Variants in RASEF observed in about 807,000 individuals in gnomAD.
RASEF encodes the protein ras and EF-hand domain-containing protein.
RASEF carries 68 observed loss-of-function variants against 90.1 expected under a neutral mutation model. The ratio of observed to expected loss-of-function variants is 0.75; its 90% CI spans 0.62 to 0.92. The LOEUF is 0.92. Ranked by LOEUF, RASEF falls within the 40% of genes least tolerant of loss-of-function variation. RASEF has a pLI of 0.00. For synonymous variants in RASEF, 331 were observed against 345.2 expected, an observed-to-expected ratio of 0.96 and a Z score of 0.46; for missense variants, 949 against 937.2, an observed-to-expected ratio of 1.01 and a Z score of -0.16.
chr9:83,099,652 CT>C, the RASEF span, among the ~76,000 whole-genome samples: 1 of 152,212 alleles, frequency 6.6e-6, no homozygotes, highest in African/African-American at 2.4e-5. Flanking sequence ...ATGAGATGGT[CT>C]TGATGACCTG....
chr9:82,989,055 A>G (rs1828764851), intron 16 of RASEF, among the ~76,000 whole-genome samples: 1 of 152,174 alleles, frequency 6.6e-6, no homozygotes, highest in African/African-American at 2.4e-5. Flanking sequence ...CAACCCTGCC[A>G]CAAACTAATG....
the RASEF span, among the ~76,000 whole-genome samples, chr9:83,072,412 A>T: frequency 6.6e-6 from 1 of 152,212 alleles, no homozygotes; most frequent in Non-Finnish European, 1.5e-5. Context: ...GAGGGACAGA[A>T]CTAATAGGAC....
chr9:83,066,793 A>C (rs1341944290), upstream of RASEF, among the ~76,000 whole-genome samples: 1 of 152,232 alleles, frequency 6.6e-6, no homozygotes, highest in Non-Finnish European at 1.5e-5. Context: ...ATCCTATTAT[A>C]TTCCTTTGAG....
the RASEF span, among the ~76,000 whole-genome samples, chr9:83,088,361 TATAGATAGATGG>T: frequency 1.1e-4 from 12 of 110,226 alleles, no homozygotes; most frequent in African/African-American, 3.2e-4. Context: ...TACACAGAGA[TATAGATAGATGG>T]ATAGATAGAT....
chr9:83,164,893 G>C, the RASEF span, among the ~76,000 whole-genome samples: 2 of 151,922 alleles, frequency 1.3e-5, no homozygotes, highest in Non-Finnish European at 2.9e-5. Context: ...AGCAATAAAA[G>C]TTATCATGAA....
the RASEF span, among the ~76,000 whole-genome samples, chr9:83,139,708 G>C: frequency 6.6e-6 from 1 of 152,050 alleles, no homozygotes; most frequent in Non-Finnish European, 1.5e-5. Context: ...GTTCAAATCT[G>C]TGTTGTCCAA....
chr9:83,144,362 A>AGGAAGGAAGGAAGGAAGGAAGGAAGGAAG, the RASEF span, among the ~76,000 whole-genome samples: 2 of 90,128 alleles, frequency 2.2e-5, 1 homozygote, highest in African/African-American at 9.5e-5. Flanking sequence ...AAAGAAAGAA[A>AGGAAGGAAGGAAGGAAGGAAGGAAGGAAG]GAAAGAAAGA....
intron 1 of RASEF, chr9:83,049,228 T>A (rs1172644820): frequency 8.1e-6 from 6 of 743,738 alleles, no homozygotes; most frequent in Non-Finnish European, 9.8e-6. Flanking sequence ...GATATAAACT[T>A]CCTTGTACCA....
chr9:83,061,384 T>C (rs1003495103), intron 1 of RASEF, among the ~76,000 whole-genome samples: 7 of 152,202 alleles, frequency 4.6e-5, no homozygotes, highest in African/African-American at 1.7e-4. Flanking sequence ...CTTTTCAATG[T>C]TCTGTCTCAG....
chr9:83,142,306 T>G, the RASEF span, among the ~76,000 whole-genome samples: 1 of 152,212 alleles, frequency 6.6e-6, no homozygotes, highest in Non-Finnish European at 1.5e-5. Flanking sequence ...CAAGTTGAGC[T>G]TTCAGAATTA....
At chr9:83,078,146 G>A in the RASEF span, among the ~76,000 whole-genome samples, 2 of 152,124 alleles carry the variant, frequency 1.3e-5, no homozygotes, top group Non-Finnish European at 2.9e-5. Flanking sequence ...GTGGCTCACC[G>A]TGTGTGTTTA....
At chr9:83,086,951 T>C in the RASEF span, among the ~76,000 whole-genome samples, 824 of 152,300 alleles carry the variant, frequency 5.4e-3, 4 homozygotes, top group Non-Finnish European at 7.3e-3. Context: ...TGGAAGGAAC[T>C]ACATAAAGGT....
chr9:83,009,754 T>C lies in RASEF; in HGVS notation c.846A>G (p.Glu282=). The part of the protein sequence containing the change: ...LKKQIYDLSM[E]NQKVKKDLLE... ...AAAGGTCTTTCTTAACTTTCTGGTTTTCCTGGATAAAATGAAAAGTGGGGG... is the reference window on the plus strand; with the variant it reads ...AAAGGTCTTTCTTAACTTTCTGGTTCTCCTGGATAAAATGAAAAGTGGGGG... The change falls in exon 6 of 17, where the codon GAA becomes GAG. Residue 282 remains glutamate (E), a splice_region_variant and synonymous_variant. Coordinates refer to ENST00000376447, the MANE Select transcript of RASEF (RefSeq NM_152573.4). The C allele has an allele frequency of 6.2e-7, 1 of 1,602,080 alleles. No individual in the cohort carries two copies. The highest frequency in any genetic ancestry group is 8.6e-7 in the Non-Finnish European group (1 of 1,169,296).
the RASEF span, among the ~76,000 whole-genome samples, chr9:83,137,795 G>GA: frequency 0.53 from 77,927 of 146,864 alleles, 20,921 homozygotes; most frequent in Middle Eastern, 0.63. Context: ...TGAAGTGATT[G>GA]AAAAAAAAAA....
chr9:83,144,314 AGAAAGAAAGAAG>A, the RASEF span, among the ~76,000 whole-genome samples: 2 of 117,118 alleles, frequency 1.7e-5, no homozygotes, highest in African/African-American at 7.0e-5. Flanking sequence ...TGACACTAAA[AGAAAGAAAGAAG>A]GAAAGAAAGA....
At chr9:83,182,692 A>T in the RASEF span, among the ~76,000 whole-genome samples, 1 of 152,320 alleles carries the variant, frequency 6.6e-6, no homozygotes, top group Non-Finnish European at 1.5e-5. Flanking sequence ...CAAAATGGTC[A>T]AACAGACTAG....
the RASEF span, among the ~76,000 whole-genome samples, chr9:83,184,543 T>C: frequency 6.6e-6 from 1 of 152,104 alleles, no homozygotes. Flanking sequence ...CCCATGCTAG[T>C]CCTCTAATGA....
At chr9:83,006,471 T>C (rs1335437814) in intron 7 of RASEF, among the ~76,000 whole-genome samples, 2 of 151,300 alleles carry the variant, frequency 1.3e-5, no homozygotes, top group Non-Finnish European at 2.9e-5. Flanking sequence ...ACTCTACAAC[T>C]GCCACAGGTG....
chr9:82,981,413 T>C lies in RASEF; in HGVS notation c.*1264A>G, dbSNP rs1187141908. 4 of 152,202 alleles carry C rather than the reference T, an allele frequency of 2.6e-5. No individual in the cohort carries two copies. Among genetic ancestry groups the C allele is most frequent in the Non-Finnish European group, 5.9e-5 (4 of 68,038 alleles). The allele number at this position is 152,202 out of a possible 1,614,324, so 9.4% of individuals were successfully genotyped here. A position where few individuals can be genotyped will look rare whatever the true frequency, so the allele number is the denominator to read the frequency against. ...TGATTCCTCTTTCAAGGATATTATT[T>C]CAAAACCATGCATAGAATTTCTTTC... is the stretch of plus-strand genomic sequence containing the variant. On this transcript the variant is annotated 3_prime_UTR_variant, in exon 17 of 17. Coordinates refer to ENST00000376447, the MANE Select transcript of RASEF (RefSeq NM_152573.4).
Sources: gnomAD v4.1 joint callset for allele counts (sites outside exome capture counted in the v4.1 genomes callset) on GRCh38, gnomAD v4.1.1 for gene constraint, MANE v1.5 for transcripts, NCBI Gene and HGNC (gene_info 2026-07-23, HGNC 2026-07-21) for gene names.